The following NCR2 variants were observed in gnomAD, a reference collection of about 807,000 sequenced individuals.
NCR2 encodes natural cytotoxicity triggering receptor 2.
In NCR2, 35 loss-of-function variants were observed where a neutral mutation model predicts 30.7. That is an observed-to-expected ratio of 1.14 (90% CI 0.87 to 1.51). The LOEUF is 1.51. Ranked by LOEUF, NCR2 falls within the 40% of genes most tolerant of loss-of-function variation. NCR2 has a pLI of 0.00. For synonymous variants in NCR2, 146 were observed against 134.8 expected (o/e 1.08, Z -0.58); for missense variants, 316 against 328.9 (o/e 0.96, Z 0.30).
chr6:41,346,172 C>T (rs1179066906), intron 4 of NCR2, among the ~76,000 whole-genome samples: 1 of 152,150 alleles, frequency 6.6e-6, no homozygotes, highest in Non-Finnish European at 1.5e-5. Flanking sequence ...GTCACTCTGA[C>T]TGCTCCCGCC....
chr6:41,342,229 C>T (rs543004490), intron 4 of NCR2, 80 bp downstream of exon 4: 16 of 1,561,070 alleles, frequency 1.0e-5, no homozygotes, highest in African/African-American at 5.4e-5. Flanking sequence ...AGAGGGGAAT[C>T]GGCCAGAGAA....
Position 41,350,692 on chromosome 6 carries a change from G to A in NCR2, c.659G>A (p.Trp220Ter), listed in dbSNP as rs757930648. 6.2e-7 allele frequency: 1 copy of A among 1,613,348 alleles called. No individual in the cohort carries two copies. ...ALLVWWGDIW[W>*]KTMMELRSLD... ...TCTGATTGCAGGGGGGACATATGGT[G>A]GAAAACCATGATGGAGCTCAGGAGC... Residue 220 changes from tryptophan (W) to a stop codon, truncating the protein, a stop_gained, in exon 5 of 5, where the codon TGG becomes TAG. Transcript: ENST00000373089. LOFTEE classifies it high-confidence loss of function.
At chr6:41,346,525 C>G (rs1447190224) in intron 4 of NCR2, among the ~76,000 whole-genome samples, 1 of 152,198 alleles carries the variant, frequency 6.6e-6, no homozygotes, top group African/African-American at 2.4e-5. Context: ...TGGCACACAG[C>G]CTCCCCTTCT....
intron 2 of NCR2, among the ~76,000 whole-genome samples, chr6:41,341,173 A>C (rs1769159141): frequency 6.6e-6 from 1 of 151,858 alleles, no homozygotes; most frequent in Non-Finnish European, 1.5e-5. Context: ...AGTCCCCATC[A>C]CTTTTCCAGA....
chr6:41,340,585 C>A (rs649016), intron 2 of NCR2, among the ~76,000 whole-genome samples: 1 of 152,206 alleles, frequency 6.6e-6, no homozygotes. Context: ...GGTCTATATC[C>A]TGTTCAATGA....
chr6:41,350,774 C>T lies in NCR2; in HGVS notation c.741C>T (p.Thr247=), dbSNP rs752080875. Residue 247 remains threonine, a synonymous_variant, in exon 5 of 5, where the codon ACC becomes ACT. Transcript: ENST00000373089. ...AACAGGTCACGGACCTTCCCTGGAC[C>T]TCAGTTTCCTCACCTGTAGAGAGAG... ...HLQQVTDLPW[T]SVSSPVEREI... The T allele has an allele frequency of 6.6e-7, 1 of 1,515,142 alleles. No homozygotes were observed. The highest frequency in any genetic ancestry group is 1.1e-5 in the South Asian group (1 of 88,968). 93.9% of individuals were successfully genotyped at this position (1,515,142 alleles called of 1,614,324 possible).
chr6:41,344,125 T>G (rs955929062), intron 4 of NCR2, among the ~76,000 whole-genome samples: 3 of 152,124 alleles, frequency 2.0e-5, no homozygotes, highest in Admixed American at 6.6e-5. Context: ...ATTGTTCCCC[T>G]GATATGTCCC....
chr6:41,340,831 T>A (rs996549260), intron 2 of NCR2, among the ~76,000 whole-genome samples: 1 of 152,092 alleles, frequency 6.6e-6, no homozygotes, highest in African/African-American at 2.4e-5. Flanking sequence ...CTGGCCAGCA[T>A]CCTAGACAGC....
chr6:41,340,636 C>G (rs952271946), intron 2 of NCR2, among the ~76,000 whole-genome samples: 1 of 152,172 alleles, frequency 6.6e-6, no homozygotes, highest in African/African-American at 2.4e-5. Context: ...GATCTTGAGG[C>G]AGTATCAAAT....
chr6:41,347,463 G>C (rs954835141), intron 4 of NCR2, among the ~76,000 whole-genome samples: 1 of 152,174 alleles, frequency 6.6e-6, no homozygotes, highest in Non-Finnish European at 1.5e-5. Context: ...TCAGGCCTTT[G>C]ACTATGCCAC....
chr6:41,335,883 T>C lies in NCR2; in HGVS notation c.7T>C (p.Trp3Arg). The C allele has an allele frequency of 6.4e-7, 1 of 1,566,326 alleles. No individual in the cohort carries two copies. Among genetic ancestry groups the C allele is most frequent in the Admixed American group, 1.9e-5 (1 of 52,424 alleles). The change falls in exon 1 of 5, where the codon TGG (tryptophan) becomes CGG (arginine). Residue 3 changes from tryptophan to arginine, a missense_variant. Trp to Arg is a moderately radical substitution (Grantham distance 101). Coordinates refer to ENST00000373089, the MANE Select transcript of NCR2 (RefSeq NM_004828.4). Reference protein sequence around the residue: MAWRALHPLLLLL... With the variant: MARRALHPLLLLL... ...CGCACAGGAAAAGGACCACATGGCC[T>C]GGCGAGCCCTACACCCACTGCTACT...
chr6:41,341,336 G>C (rs1271585087), intron 2 of NCR2, among the ~76,000 whole-genome samples: 1 of 152,092 alleles, frequency 6.6e-6, no homozygotes, highest in African/African-American at 2.4e-5. Context: ...GCTGAGACTT[G>C]GGGTCCAGGG....
At chr6:41,341,635 G>GGACT (rs1451109408) in intron 2 of NCR2, among the ~76,000 whole-genome samples, 159 bp from the exon 3 acceptor site, 5 of 152,108 alleles carry the variant, frequency 3.3e-5, no homozygotes, top group Non-Finnish European at 7.4e-5. Flanking sequence ...CTGAGCCAGA[G>GGACT]GACTTCACAG....
chr6:41,338,073 T>C (rs1201769607), intron 2 of NCR2, among the ~76,000 whole-genome samples: 1 of 152,234 alleles, frequency 6.6e-6, no homozygotes, highest in Non-Finnish European at 1.5e-5. Flanking sequence ...GACTTTTATG[T>C]TTGCACTTAG....
intron 4 of NCR2, among the ~76,000 whole-genome samples, chr6:41,346,112 A>G (rs530000801): frequency 3.3e-5 from 5 of 152,076 alleles, no homozygotes; most frequent in African/African-American, 1.2e-4. Flanking sequence ...ATTCTGTACA[A>G]TCTGGGGCAC....
At position 41,336,079 on chromosome 6, in the gene NCR2, T is replaced by C. The variant is rs1409129601; in HGVS notation, c.53-8T>C. The C allele has an allele frequency of 1.9e-6, 3 of 1,610,640 alleles. No individual in the cohort carries two copies. Among genetic ancestry groups the C allele is most frequent in the Admixed American group, 1.7e-5 (1 of 59,856 alleles). ...CCTTGACCTATGCGTTACTTCATCA[T>C]TCTCCAGGCTCTCAGGCACAATCCA... On this transcript the variant is annotated splice_region_variant and splice_polypyrimidine_tract_variant and intron_variant, in intron 1 of 4. Transcript: ENST00000373089.
At chr6:41,343,090 G>C in intron 4 of NCR2, 2 of 1,356,642 alleles carry the variant, frequency 1.5e-6, no homozygotes, top group South Asian at 1.3e-5. Flanking sequence ...GACCTCTGCT[G>C]TTATCCGCAA....
At chr6:41,347,307 C>T (rs1450751303) in intron 4 of NCR2, among the ~76,000 whole-genome samples, 1 of 152,206 alleles carries the variant, frequency 6.6e-6, no homozygotes, top group East Asian at 1.9e-4. Flanking sequence ...TCTAAATGGG[C>T]TCTAATATAT....
chr6:41,347,975 G>A (rs1769343748), intron 4 of NCR2, among the ~76,000 whole-genome samples: 1 of 152,194 alleles, frequency 6.6e-6, no homozygotes, highest in South Asian at 2.1e-4. Flanking sequence ...ATCCAAGAGA[G>A]GGTGCGGAAG....
Sources: gnomAD v4.1 joint callset for allele counts (sites outside exome capture counted in the v4.1 genomes callset) on GRCh38, gnomAD v4.1.1 for gene constraint, MANE v1.5 for transcripts, NCBI Gene and HGNC (gene_info 2026-07-23, HGNC 2026-07-21) for gene names.